The following PLCG2 variants were observed in gnomAD, a reference collection of about 807,000 sequenced individuals.
PLCG2 encodes phospholipase C gamma 2, also known as 1-phosphatidylinositol 4,5-bisphosphate phosphodiesterase gamma-2.
In PLCG2, 69 loss-of-function variants were observed where a neutral mutation model predicts 175.6. The ratio of observed to expected loss-of-function variants is 0.39; its 90% CI spans 0.32 to 0.48. PLCG2 has a LOEUF of 0.48. Ranked by LOEUF, PLCG2 falls within the 20% of genes least tolerant of loss-of-function variation. The probability of loss-of-function intolerance (pLI) is 0.91; values close to 1 mark genes in which losing one functional copy is unlikely to be tolerated. For missense variants in PLCG2, 1,798 were observed against 1,650.9 expected, an observed-to-expected ratio of 1.09 and a Z score of -1.54; for synonymous variants, 827 against 624.0, an observed-to-expected ratio of 1.33 and a Z score of -4.85.
At chr16:81,848,496 T>C (rs1470663981) in intron 2 of PLCG2, among the ~76,000 whole-genome samples, 2 of 152,188 alleles carry the variant, frequency 1.3e-5, no homozygotes, top group African/African-American at 4.8e-5. Context: ...CCTTTGTACA[T>C]GTGCGTTTGC....
intron 2 of PLCG2, among the ~76,000 whole-genome samples, chr16:81,825,442 C>A (rs765817569): frequency 9.2e-5 from 14 of 151,892 alleles, no homozygotes; most frequent in Non-Finnish European, 1.8e-4. Flanking sequence ...GCATGGCATG[C>A]GCCAGCACAC....
intron 11 of PLCG2, among the ~76,000 whole-genome samples, chr16:81,893,149 G>A (rs1366577022): frequency 2.0e-5 from 3 of 152,174 alleles, no homozygotes; most frequent in South Asian, 4.1e-4. Flanking sequence ...ATGAGCCATC[G>A]TGCTTGGCCT....
At chr16:81,885,649 A>G (rs1184844415) in intron 9 of PLCG2, among the ~76,000 whole-genome samples, 1 of 152,068 alleles carries the variant, frequency 6.6e-6, no homozygotes, top group East Asian at 1.9e-4. Flanking sequence ...TATAGCCATA[A>G]CACTCCTCTT....
At chr16:81,778,405 A>G (rs4494534), upstream of PLCG2, among the ~76,000 whole-genome samples, 85,338 of 151,982 alleles carry the variant, frequency 0.56, 24,387 homozygotes, top group South Asian at 0.75. Context: ...GCAACTTGGA[A>G]GTGAAATTCA....
chr16:81,936,440 G>A lies in PLCG2; in HGVS notation c.3052+62G>A, dbSNP rs200351874. The A allele has an allele frequency of 2.0e-3, 2,765 of 1,357,442 alleles. 36 individuals are homozygous for A. Among genetic ancestry groups the A allele is most frequent in the South Asian group, 0.02 (1,714 of 85,272 alleles). 84.1% of individuals were successfully genotyped at this position (1,357,442 alleles called of 1,614,324 possible). On this transcript the variant is annotated intron_variant, in intron 27 of 32. Coordinates refer to ENST00000564138, the MANE Select transcript of PLCG2 (RefSeq NM_002661.5). ...GTGGCGGTTGCAGTCACTCCAGGCCGAGTCACCTTGGGTCAGCGATACCAT... is the reference window on the plus strand; with the variant it reads ...GTGGCGGTTGCAGTCACTCCAGGCCAAGTCACCTTGGGTCAGCGATACCAT...
rs139030224 is a variant in PLCG2 at position 81,812,015 on chromosome 16, A to G, written c.193+25833A>G. Among the ~76,000 whole-genome samples, 863 of 141,040 alleles carry G rather than the reference A, an allele frequency of 6.1e-3. 1 individual carries two copies. Among genetic ancestry groups the G allele is most frequent in the Middle Eastern group, 0.031 (8 of 254 alleles). 92.5% of individuals were successfully genotyped at this position (141,040 alleles called of 152,430 possible). On this transcript the variant is annotated intron_variant, in intron 2 of 32. Transcript: ENST00000564138. ...TGTAAAAGCATTCCTATTTCTCTAC[A>G]TCCTCTCCAGCATCTGTTGTTTCCT...
chr16:81,901,652 C>T (rs144897462), intron 14 of PLCG2, among the ~76,000 whole-genome samples: 273 of 152,352 alleles, frequency 1.8e-3, no homozygotes, highest in Middle Eastern at 0.017. Flanking sequence ...CCATTGTGAA[C>T]ATTGGCAGCA....
chr16:81,951,461 G>C (rs1597153960), intron 31 of PLCG2, among the ~76,000 whole-genome samples: 1 of 152,062 alleles, frequency 6.6e-6, no homozygotes. Context: ...GATAAAACAG[G>C]TTTAGGATCT....
chr16:81,840,221 A>C (rs181389877), intron 2 of PLCG2, among the ~76,000 whole-genome samples: 1 of 152,270 alleles, frequency 6.6e-6, no homozygotes, highest in Admixed American at 6.5e-5. Context: ...GAGCATGCTT[A>C]GAATTGAGCC....
rs574825209 is a variant in PLCG2, at chr16:81,962,067, G to A, written c.*4069G>A. 1.1e-4 allele frequency: 21 copies of A among 187,224 alleles called. No homozygotes were observed. The South Asian group carries it at 2.3e-3, about 21-fold the overall frequency. 11.6% of individuals were successfully genotyped at this position (187,224 alleles called of 1,614,324 possible). On this transcript the variant is annotated 3_prime_UTR_variant, in exon 33 of 33. Transcript: ENST00000564138. ...CCCTCCCGAAGCTGCGCGCTCCGTC[G>A]AAGAGGACGACCAACCCCGATAGAG...
intron 10 of PLCG2, among the ~76,000 whole-genome samples, chr16:81,891,036 G>A (rs573491948): frequency 3.3e-5 from 5 of 152,048 alleles, no homozygotes; most frequent in South Asian, 4.1e-4. Flanking sequence ...GGTGGTGCAC[G>A]CCTGTTATCC....
In PLCG2 at chr16:81,844,901, A is replaced by G. The variant is rs1281439900; in HGVS notation, c.194-9543A>G. Among the ~76,000 whole-genome samples the G allele has an allele frequency of 2.0e-5, 3 of 152,270 alleles. No individual in the cohort carries two copies. In the East Asian group the frequency reaches 5.8e-4, roughly 29 times the overall value. ...CGGTACATAAGGATCTGCCTCCTTA[A>G]TGTTCACAGCAAATAAATTGAGACA... On this transcript the variant is annotated intron_variant, in intron 2 of 32. Coordinates refer to ENST00000564138, the MANE Select transcript of PLCG2 (RefSeq NM_002661.5).
chr16:81,750,810 G>A (rs1321782822), intron 1 of PLCG2, among the ~76,000 whole-genome samples: 1 of 150,664 alleles, frequency 6.6e-6, no homozygotes, highest in Non-Finnish European at 1.5e-5. Context: ...TGGGACTACA[G>A]GCGCCTGCCA....
chr16:81,865,967 G>C (rs1287750504), intron 5 of PLCG2, among the ~76,000 whole-genome samples: 1 of 135,118 alleles, frequency 7.4e-6, no homozygotes, highest in East Asian at 2.3e-4. Context: ...CCCAGGATGG[G>C]CTCCACTGGG....
intron 2 of PLCG2, among the ~76,000 whole-genome samples, chr16:81,808,651 G>C (rs543704880): frequency 9.2e-4 from 140 of 152,078 alleles, no homozygotes; most frequent in African/African-American, 3.3e-3. Context: ...CCGCCACCAC[G>C]CCTGGCTAAT....
intron 2 of PLCG2, among the ~76,000 whole-genome samples, chr16:81,802,091 G>GTTTT (rs1249304271): frequency 2.1e-4 from 11 of 53,508 alleles, no homozygotes; most frequent in Non-Finnish European, 3.4e-4. Context: ...GGTGAGTACA[G>GTTTT]TCTTTTTTTT....
intron 2 of PLCG2, among the ~76,000 whole-genome samples, chr16:81,838,778 AATATATATATATATAT>A (rs10549962): frequency 7.6e-4 from 107 of 141,688 alleles, no homozygotes; most frequent in African/African-American, 2.7e-3. Flanking sequence ...AGTAAAATTA[AATATATATATATATAT>A]ATATATATAT....
In PLCG2 at chr16:81,769,867, G is replaced by C. The variant is rs192116331; in HGVS notation, c.-48+13901G>C. 2.7e-5 allele frequency among the ~76,000 whole-genome samples: 4 copies of C among 147,180 alleles called. No individual in the cohort carries two copies. The East Asian group carries it at 8.0e-4, about 29-fold the overall frequency. On this transcript the variant is annotated intron_variant, in intron 2 of 5. Transcript: ENST00000565054. ...AAAAAGAAAAAGACATGGGCCTTCA[G>C]ATTCTAGTTCTGCCACCACTGGTGT... is the stretch of plus-strand genomic sequence containing the variant.
At position 81,923,570 on chromosome 16, in the gene PLCG2, A is replaced by G. The variant is rs117077093; in HGVS notation, c.2393A>G (p.Asn798Ser). The change falls in exon 22 of 33, where the codon AAT becomes AGT. Residue 798 changes from asparagine (N) to serine (S), a missense_variant. Asn to Ser is a conservative substitution (Grantham distance 46). Transcript: ENST00000564138. Reference sequence around the variant, plus strand: ...TTCTGCCGTGGTGCCCTCATCCACAATGTCTCCAAGGAGCCCGGGGGCTGG... The same window carrying G: ...TTCTGCCGTGGTGCCCTCATCCACAGTGTCTCCAAGGAGCCCGGGGGCTGG... The part of the protein sequence containing the change: ...LSFCRGALIH[N>S]VSKEPGGWWK... 6.7e-4 allele frequency: 1,088 copies of G among 1,612,868 alleles called. 3 individuals carry two copies. Among genetic ancestry groups the G allele is most frequent in the South Asian group, 1.6e-3 (143 of 91,018 alleles).
Sources: gnomAD v4.1 joint callset for allele counts (sites outside exome capture counted in the v4.1 genomes callset) on GRCh38, gnomAD v4.1.1 for gene constraint, MANE v1.5 for transcripts, NCBI Gene and HGNC (gene_info 2026-07-23, HGNC 2026-07-21) for gene names.